Variants in MITF observed in about 807,000 individuals in gnomAD.
MITF encodes the protein melanocyte inducing transcription factor, also known as microphthalmia-associated transcription factor.
In MITF, 17 loss-of-function variants were observed where a neutral mutation model predicts 60.5. The ratio of observed to expected loss-of-function variants is 0.28; its 90% CI spans 0.19 to 0.42. MITF has a LOEUF of 0.42. MITF is among the 10% of genes least tolerant of loss of function. The pLI is 1.00. For synonymous variants in MITF, 260 were observed against 248.5 expected (o/e 1.05, Z -0.43); for missense variants, 622 against 683.5 (o/e 0.91, Z 1.00).
chr3:69,765,780 A>G (rs2062281544), intron 1 of MITF, among the ~76,000 whole-genome samples: 1 of 152,368 alleles, frequency 6.6e-6, no homozygotes, highest in Non-Finnish European at 1.5e-5. Context: ...AGGATAAGTT[A>G]TGATTATTCA....
At chr3:69,857,792 A>T (rs369084676) in intron 1 of MITF, among the ~76,000 whole-genome samples, 1 of 152,170 alleles carries the variant, frequency 6.6e-6, no homozygotes, top group South Asian at 2.1e-4. Flanking sequence ...AGTGCCTGGG[A>T]CATAGGAGGT....
intron 2 of MITF, among the ~76,000 whole-genome samples, chr3:69,897,376 G>C (rs966154895): frequency 6.6e-6 from 1 of 152,162 alleles, no homozygotes; most frequent in Non-Finnish European, 1.5e-5. Context: ...AACCTTGCCA[G>C]ACAGAAGGAA....
chr3:69,823,831 A>G (rs2063314279), intron 1 of MITF, among the ~76,000 whole-genome samples: 1 of 152,130 alleles, frequency 6.6e-6, no homozygotes, highest in Admixed American at 6.6e-5. Context: ...CTGCTCTCCT[A>G]AGCATACTGA....
chr3:69,908,310 A>G (rs1343284771), intron 2 of MITF, among the ~76,000 whole-genome samples: 2 of 152,066 alleles, frequency 1.3e-5, no homozygotes, highest in Non-Finnish European at 2.9e-5. Flanking sequence ...AATAATTTCC[A>G]TTTTCTGCTT....
intron 1 of MITF, among the ~76,000 whole-genome samples, chr3:69,797,179 T>A (rs1423366477): frequency 2.0e-5 from 3 of 152,188 alleles, no homozygotes; most frequent in Admixed American, 2.0e-4. Flanking sequence ...GAAAATTGTA[T>A]TACACCTATC....
At chr3:69,866,445 T>A in intron 1 of MITF, 6 of 1,485,042 alleles carry the variant, frequency 4.0e-6, no homozygotes, top group Non-Finnish European at 4.6e-6. Flanking sequence ...AAGGGTTTAT[T>A]GGGAGTTAAA....
intron 2 of MITF, among the ~76,000 whole-genome samples, chr3:69,930,937 A>G (rs2065708641): frequency 6.6e-6 from 1 of 152,266 alleles, no homozygotes; most frequent in African/African-American, 2.4e-5. Flanking sequence ...AGAAGTTAAA[A>G]CAATCAAAAT....
At chr3:69,894,695 C>A (rs2064834634) in intron 2 of MITF, among the ~76,000 whole-genome samples, 1 of 151,472 alleles carries the variant, frequency 6.6e-6, no homozygotes, top group Non-Finnish European at 1.5e-5. Flanking sequence ...AAAAAGACTA[C>A]TGTGCTATCC....
intron 2 of MITF, among the ~76,000 whole-genome samples, chr3:69,886,932 A>G (rs2064633432): frequency 6.6e-6 from 1 of 152,074 alleles, no homozygotes; most frequent in Admixed American, 6.6e-5. Context: ...AGTTCTGAGT[A>G]TTTACTAATA....
At chr3:69,912,205 T>C (rs1046612630) in intron 2 of MITF, among the ~76,000 whole-genome samples, 6 of 152,324 alleles carry the variant, frequency 3.9e-5, no homozygotes, top group Non-Finnish European at 8.8e-5. Flanking sequence ...AGGTGCTATC[T>C]TGCAAAAGCA....
At chr3:69,934,393 A>G (rs928228100) in intron 2 of MITF, among the ~76,000 whole-genome samples, 3 of 152,224 alleles carry the variant, frequency 2.0e-5, no homozygotes, top group African/African-American at 7.2e-5. Flanking sequence ...CTAATATGCT[A>G]AATATTGATA....
intron 1 of MITF, among the ~76,000 whole-genome samples, chr3:69,785,249 A>T (rs985453024): frequency 4.7e-5 from 7 of 150,116 alleles, no homozygotes; most frequent in Non-Finnish European, 7.4e-5. Context: ...GTGCTGCGGC[A>T]GTGGTGTCCT....
chr3:69,937,012 T>A (rs895556316), intron 2 of MITF: 13 of 355,914 alleles, frequency 3.7e-5, no homozygotes, highest in Non-Finnish European at 5.0e-5. Context: ...TGTTCATTGC[T>A]CATAAGATTA....
chr3:69,932,500 G>A (rs1039090995), intron 2 of MITF, among the ~76,000 whole-genome samples: 2 of 151,940 alleles, frequency 1.3e-5, no homozygotes, highest in African/African-American at 4.8e-5. Flanking sequence ...AAAAGCACTG[G>A]GTTTGTCAAC....
chr3:69,939,230 C>A (rs778154597), intron 4 of MITF, 49 bp downstream of exon 4: 2 of 1,512,568 alleles, frequency 1.3e-6, no homozygotes, highest in South Asian at 1.1e-5. Flanking sequence ...TAATGAGAAT[C>A]TATATTTGTG....
intron 7 of MITF, among the ~76,000 whole-genome samples, chr3:69,953,062 A>G (rs907391732): frequency 3.9e-5 from 6 of 152,148 alleles, no homozygotes; most frequent in African/African-American, 1.2e-4. Flanking sequence ...GAGAGGCACA[A>G]CTTCTGGGTC....
intron 1 of MITF, among the ~76,000 whole-genome samples, chr3:69,780,625 T>G (rs1045815687): frequency 1.3e-5 from 2 of 152,194 alleles, no homozygotes; most frequent in Non-Finnish European, 2.9e-5. Context: ...GAAGCCTGCC[T>G]TGGGCTCTAA....
chr3:69,759,961 G>T (rs1337988505), intron 1 of MITF, among the ~76,000 whole-genome samples: 1 of 152,146 alleles, frequency 6.6e-6, no homozygotes, highest in East Asian at 1.9e-4. Context: ...TGTATTTTTA[G>T]TAGAGACGGG....
intron 1 of MITF, among the ~76,000 whole-genome samples, chr3:69,831,488 A>AT (rs2063447176): frequency 6.6e-6 from 1 of 152,014 alleles, no homozygotes; most frequent in East Asian, 1.9e-4. Context: ...ATCTTTTGCA[A>AT]TTTTTTTGTT....
Sources: gnomAD v4.1 joint callset for allele counts (sites outside exome capture counted in the v4.1 genomes callset) on GRCh38, gnomAD v4.1.1 for gene constraint, MANE v1.5 for transcripts, NCBI Gene and HGNC (gene_info 2026-07-23, HGNC 2026-07-21) for gene names.